The following ODC1 variants were observed in gnomAD, a reference collection of about 807,000 sequenced individuals.
ODC1 encodes the protein ornithine decarboxylase.
ODC1 carries 18 observed loss-of-function variants against 41.5 expected under a neutral mutation model. That is an observed-to-expected ratio of 0.43 (90% CI 0.30 to 0.64). The LOEUF is 0.64. ODC1 is among the 30% of genes least tolerant of loss of function. The pLI is 0.11. For synonymous variants in ODC1, 218 were observed against 211.6 expected (o/e 1.03, Z -0.26); for missense variants, 504 against 589.0 (o/e 0.86, Z 1.49).
intron 1 of ODC1, among the ~76,000 whole-genome samples, chr2:10,446,155 CAG>C (rs1277555505): frequency 1.6e-5 from 2 of 128,284 alleles, no homozygotes; most frequent in African/African-American, 3.0e-5. Flanking sequence ...TTTTTTGAGA[CAG>C]AGTTTTACTC....
intron 2 of ODC1, 50 bp downstream of exon 2, chr2:10,445,105 A>G (rs962684669): frequency 1.2e-5 from 11 of 904,228 alleles, no homozygotes; most frequent in Non-Finnish European, 2.0e-5. Flanking sequence ...AGCCTTAGCA[A>G]TACAATTCTT....
In ODC1 at chr2:10,448,248, G is replaced by A. The variant is rs1672104894; in HGVS notation, c.-255C>T. 4.6e-6 allele frequency: 1 copy of A among 218,300 alleles called. No homozygotes were observed. The highest frequency in any genetic ancestry group is 8.9e-6 in the Non-Finnish European group (1 of 111,796). The allele number at this position is 218,300 out of a possible 1,614,324, so 13.5% of individuals were successfully genotyped here. Reference sequence around the variant, plus strand: ...CAGCGCCTGGCTCCCGCCCGCCGGAGACGCCGGCCCGAGGTGGCGCCGGAG... The same window carrying A: ...CAGCGCCTGGCTCCCGCCCGCCGGAAACGCCGGCCCGAGGTGGCGCCGGAG... On this transcript the variant is annotated 5_prime_UTR_variant, in exon 1 of 12. Coordinates refer to ENST00000234111, the MANE Select transcript of ODC1 (RefSeq NM_002539.3).
At chr2:10,443,608 G>A in intron 6 of ODC1, 37 bp from the exon 7 acceptor site, 1 of 1,605,892 alleles carries the variant, frequency 6.2e-7, no homozygotes, top group Non-Finnish European at 8.5e-7. Flanking sequence ...CTGTGTCTTA[G>A]TATTTCTTAA....
rs1671950134 is a variant in ODC1 at position 10,444,656 on chromosome 2, A to G, written c.103-9T>C. 6.2e-7 allele frequency: 1 copy of G among 1,608,798 alleles called. No homozygotes were observed. The highest frequency in any genetic ancestry group is 1.7e-5 in the Admixed American group (1 of 59,688). On this transcript the variant is annotated splice_polypyrimidine_tract_variant and intron_variant, in intron 3 of 11. Transcript: ENST00000234111. Reference sequence around the variant, plus strand: ...AAGGCATCCTTATCATCCTGAAACAAGAGTGGTCACAGGTGACTCACTAGC... The same window carrying G: ...AAGGCATCCTTATCATCCTGAAACAGGAGTGGTCACAGGTGACTCACTAGC...
chr2:10,443,097 G>T, intron 8 of ODC1, 133 bp downstream of exon 8: 2 of 719,832 alleles, frequency 2.8e-6, no homozygotes, highest in Non-Finnish European at 2.4e-6. Context: ...ACAGCACAAA[G>T]AAATCACTCA....
At position 10,443,485 on chromosome 2, in the gene ODC1, C is replaced by G; in HGVS notation, c.666+5G>C. 2 of 1,613,476 alleles carry G rather than the reference C, an allele frequency of 1.2e-6. No homozygotes were observed. The highest frequency in any genetic ancestry group is 1.7e-6 in the Non-Finnish European group (2 of 1,179,436). On this transcript the variant is annotated splice_donor_5th_base_variant and intron_variant, in intron 7 of 11. Transcript: ENST00000234111. ...CCCTTCCCTAACAGGGTCACGTATA[C>G]TCACCCCCATGTCAAAAACACAGCG...
chr2:10,446,365 C>G (rs969758911), intron 1 of ODC1, among the ~76,000 whole-genome samples: 77 of 152,312 alleles, frequency 5.1e-4, no homozygotes, highest in African/African-American at 1.5e-3. Flanking sequence ...GTCTCCAACT[C>G]CCGACCTCAG....
chr2:10,446,733 G>T lies in ODC1; in HGVS notation c.-128+1388C>A, dbSNP rs867854746. The T allele has an allele frequency of 6.3e-6, 3 of 474,552 alleles. No individual in the cohort carries two copies. In the Middle Eastern group the frequency reaches 1.0e-3, roughly 160 times the overall value. The allele number at this position is 474,552 out of a possible 1,614,324, so 29.4% of individuals were successfully genotyped here. Reference sequence around the variant, plus strand: ...CTTTTCCACTGTGCAACCCACTTCAGTGCCAGCAGCCTACGGGCACAGAGG... The same window carrying T: ...CTTTTCCACTGTGCAACCCACTTCATTGCCAGCAGCCTACGGGCACAGAGG... On this transcript the variant is annotated intron_variant, in intron 1 of 11. Transcript: ENST00000234111.
At chr2:10,441,008 A>G (rs1465355002) in intron 11 of ODC1, 140 bp from the exon 12 acceptor site, 9 of 966,520 alleles carry the variant, frequency 9.3e-6, no homozygotes, top group Non-Finnish European at 1.3e-5. Context: ...TCAGGCTGGA[A>G]TACAATGGTG....
At chr2:10,441,441 G>C in intron 11 of ODC1, 68 bp downstream of exon 11, 1 of 1,482,768 alleles carries the variant, frequency 6.7e-7, no homozygotes, top group South Asian at 1.2e-5. Context: ...TATTCGTCTA[G>C]ACAAGAAGCA....
At position 10,441,778 on chromosome 2, in the gene ODC1, G is replaced by A. The variant is rs377151038; in HGVS notation, c.1026+39C>T. The A allele has an allele frequency of 3.1e-6, 5 of 1,611,298 alleles. No homozygotes were observed. The African/African-American group carries it at 6.7e-5, about 22-fold the overall frequency. On this transcript the variant is annotated intron_variant, in intron 10 of 11. Transcript: ENST00000234111. Reference sequence around the variant, plus strand: ...TACTTAATTACACGTGTTGTGACCAGTCCTCTTAATTGTTTTATACAGTAT... The same window carrying A: ...TACTTAATTACACGTGTTGTGACCAATCCTCTTAATTGTTTTATACAGTAT...
chr2:10,444,773 G>A (rs1304196255), intron 3 of ODC1, 126 bp from the exon 4 acceptor site: 5 of 868,346 alleles, frequency 5.8e-6, no homozygotes, highest in African/African-American at 3.4e-5. Context: ...ACTGATATGA[G>A]TATCACCATT....
chr2:10,446,920 A>ACC (rs1320180093), intron 1 of ODC1: 1 of 164,620 alleles, frequency 6.1e-6, no homozygotes, highest in Non-Finnish European at 1.4e-5. Context: ...TGCCTAAATC[A>ACC]CCCCTCGGAG....
rs142326792 is a variant in ODC1, at chr2:10,442,100, G to A, written c.825C>T (p.Pro275=). 3.1e-5 allele frequency: 50 copies of A among 1,613,942 alleles called. No individual in the cohort carries two copies. The highest frequency in any genetic ancestry group is 4.0e-5 in the African/African-American group (3 of 74,878). The change falls in exon 9 of 12, where the codon CCC becomes CCT. Residue 275 remains proline, a synonymous_variant. Coordinates refer to ENST00000234111, the MANE Select transcript of ODC1 (RefSeq NM_002539.3). ...AAGCTGATGCAACATAGTATCTGCC[G>A]GGCTCAGCTATGATTCTCACTCCAG... is the stretch of plus-strand genomic sequence containing the variant. The part of the protein sequence containing the change: ...SDSGVRIIAE[P]GRYYVASAFT...
At position 10,444,474 on chromosome 2, in the gene ODC1, C is replaced by T; in HGVS notation, c.276G>A (p.Lys92=). ...TTTGAGGCCTGCTGCTATCGCTTAC[C>T]TTGCTAGCACAGTCAAATCCTGTCC... The part of the protein sequence containing the change: ...ATGTGFDCAS[K]TEIQLVQSLG... Residue 92 remains lysine, a splice_region_variant and synonymous_variant, in exon 4 of 12, where the codon AAG becomes AAA. Transcript: ENST00000234111. 1 of 1,605,704 alleles carries T rather than the reference C, an allele frequency of 6.2e-7. No individual in the cohort carries two copies. The highest frequency in any genetic ancestry group is 1.7e-5 in the Admixed American group (1 of 58,526).
At position 10,443,682 on chromosome 2, in the gene ODC1, C is replaced by G. The variant is rs1472767583; in HGVS notation, c.584+20G>C. ...AACTGTTCAATGTCTTGACCTCTAGCTATCCCACCAAAATCTCACCTGACA... is the reference window on the plus strand; with the variant it reads ...AACTGTTCAATGTCTTGACCTCTAGGTATCCCACCAAAATCTCACCTGACA... On this transcript the variant is annotated intron_variant, in intron 6 of 11. Transcript: ENST00000234111. 1 of 1,613,550 alleles carries G rather than the reference C, an allele frequency of 6.2e-7. No homozygotes were observed. Among genetic ancestry groups the G allele is most frequent in the South Asian group, 1.1e-5 (1 of 91,064 alleles).
chr2:10,442,290 G>T, intron 8 of ODC1, 116 bp from the exon 9 acceptor site: 1 of 1,076,486 alleles, frequency 9.3e-7, no homozygotes, highest in Non-Finnish European at 1.3e-6. Flanking sequence ...CAACAGACAG[G>T]TTTATCATTA....
chr2:10,444,537 A>G lies in ODC1; in HGVS notation c.213T>C (p.Asn71=). 1 of 1,614,092 alleles carries G rather than the reference A, an allele frequency of 6.2e-7. No homozygotes were observed. The change falls in exon 4 of 12, where the codon AAT becomes AAC. Residue 71 remains asparagine (N), a synonymous_variant. Coordinates refer to ENST00000234111, the MANE Select transcript of ODC1 (RefSeq NM_002539.3). ...GGGTCTTCACGATGGCTTTGCTATC[A>G]TTACATTTGACTGCATAAAAGGGGG... ...RVTPFYAVKC[N]DSKAIVKTLA... is the part of the protein sequence containing the mutation.
chr2:10,443,536 G>C lies in ODC1; in HGVS notation c.620C>G (p.Thr207Ser). ...HVGSGCTDPETFVQAISDARC... is the reference protein window; with the variant it reads ...HVGSGCTDPESFVQAISDARC... ...GGCATCAGAGATTGCCTGCACGAAG[G>C]TCTCAGGATCGGTACAGCCGCTTCC... Residue 207 changes from threonine to serine, a missense_variant, in exon 7 of 12, where the codon ACC becomes AGC. By Grantham distance (58) the Thr-to-Ser change is moderately conservative. Coordinates refer to ENST00000234111, the MANE Select transcript of ODC1 (RefSeq NM_002539.3). 2 of 1,614,044 alleles carry C rather than the reference G, an allele frequency of 1.2e-6. No individual in the cohort carries two copies. The highest frequency in any genetic ancestry group is 1.7e-6 in the Non-Finnish European group (2 of 1,179,978).
Sources: gnomAD v4.1 joint callset for allele counts (sites outside exome capture counted in the v4.1 genomes callset) on GRCh38, gnomAD v4.1.1 for gene constraint, MANE v1.5 for transcripts, NCBI Gene and HGNC (gene_info 2026-07-23, HGNC 2026-07-21) for gene names.